Variants in TTLL5 observed in about 807,000 individuals in gnomAD.
TTLL5 encodes tubulin polyglutamylase TTLL5.
A neutral mutation model predicts 168.4 loss-of-function variants in TTLL5; 132 were observed. That is an observed-to-expected ratio of 0.78 (90% CI 0.68 to 0.91). The LOEUF is 0.91. Among genes scored for constraint, TTLL5 ranks in the 40% least tolerant of loss-of-function variants. TTLL5 has a pLI of 0.00. For missense variants in TTLL5, 1,545 were observed against 1,581.5 expected (o/e 0.98, Z 0.39); for synonymous variants, 546 against 558.6 (o/e 0.98, Z 0.32).
At chr14:75,747,274 C>G (rs1305742689) in intron 17 of TTLL5, among the ~76,000 whole-genome samples, 2 of 151,670 alleles carry the variant, frequency 1.3e-5, no homozygotes, top group Non-Finnish European at 2.9e-5. Context: ...TTTTGTGTGT[C>G]CTTTTTCTCT....
chr14:75,928,354 T>TATATATAC (rs2140160500), intron 31 of TTLL5, among the ~76,000 whole-genome samples: 1 of 126,910 alleles, frequency 7.9e-6, no homozygotes, highest in South Asian at 2.3e-4. Context: ...TATATATATA[T>TATATATAC]ATATATATAT....
intron 27 of TTLL5, among the ~76,000 whole-genome samples, chr14:75,793,316 A>G (rs1892824638): frequency 6.6e-6 from 1 of 152,200 alleles, no homozygotes; most frequent in African/African-American, 2.4e-5. Flanking sequence ...TAAGTCTGCT[A>G]CTGGATATGA....
chr14:75,798,617 C>T (rs1175022844), intron 27 of TTLL5, among the ~76,000 whole-genome samples: 1 of 152,072 alleles, frequency 6.6e-6, no homozygotes, highest in Non-Finnish European at 1.5e-5. Flanking sequence ...GAACTTTCGT[C>T]TTAGCACCGC....
At chr14:75,811,054 T>C (rs900795994) in intron 27 of TTLL5, among the ~76,000 whole-genome samples, 8 of 132,932 alleles carry the variant, frequency 6.0e-5, no homozygotes, top group Admixed American at 1.8e-4. Context: ...GCAGAGACAT[T>C]AACCACTTTT....
intron 28 of TTLL5, among the ~76,000 whole-genome samples, chr14:75,845,024 C>T (rs916674078): frequency 8.5e-5 from 13 of 152,140 alleles, no homozygotes; most frequent in African/African-American, 2.7e-4. Flanking sequence ...TCCTAATGCC[C>T]GGAATGTCCT....
At chr14:75,769,335 C>G (rs1039705915) in intron 20 of TTLL5, among the ~76,000 whole-genome samples, 34 of 152,168 alleles carry the variant, frequency 2.2e-4, no homozygotes, top group African/African-American at 8.2e-4. Flanking sequence ...AGGATCGCGT[C>G]ATTGTTGCAT....
chr14:75,667,776 T>A (rs934553475), intron 2 of TTLL5, among the ~76,000 whole-genome samples: 10 of 147,048 alleles, frequency 6.8e-5, no homozygotes, highest in East Asian at 5.9e-4. Context: ...TTTTTTTTTT[T>A]ATTGAGACGG....
intron 28 of TTLL5, among the ~76,000 whole-genome samples, chr14:75,840,623 ATCT>A (rs1896174364): frequency 6.6e-6 from 1 of 152,176 alleles, no homozygotes; most frequent in South Asian, 2.1e-4. Flanking sequence ...GTTGGGGGCC[ATCT>A]CAAAGGCTGG....
At position 75,699,278 on chromosome 14, in the gene TTLL5, T is replaced by G; in HGVS notation, c.585+8T>G. 1.2e-6 allele frequency: 2 copies of G among 1,612,442 alleles called. No individual in the cohort carries two copies. Among genetic ancestry groups the G allele is most frequent in the Non-Finnish European group, 1.7e-6 (2 of 1,178,578 alleles). ...GTCTACCTGATCAACAATGTAAGTA[T>G]GCAGCAGATGGCAAACCTCTCTCCT... On this transcript the variant is annotated splice_region_variant and intron_variant, in intron 7 of 31. Transcript: ENST00000298832.
intron 27 of TTLL5, among the ~76,000 whole-genome samples, chr14:75,808,522 T>C (rs1893786226): frequency 6.6e-6 from 1 of 152,084 alleles, no homozygotes; most frequent in Non-Finnish European, 1.5e-5. Flanking sequence ...TCTTTTCATT[T>C]TTCTGATTGA....
chr14:75,721,456 G>A (rs373535970), intron 12 of TTLL5, among the ~76,000 whole-genome samples: 1 of 152,214 alleles, frequency 6.6e-6, no homozygotes, highest in East Asian at 1.9e-4. Context: ...GGTCTTTGAT[G>A]GGGAGGATGA....
chr14:75,741,366 G>A (rs751505817), intron 15 of TTLL5, among the ~76,000 whole-genome samples: 7 of 152,020 alleles, frequency 4.6e-5, no homozygotes, highest in African/African-American at 7.3e-5. Context: ...TACTTCCTTA[G>A]TGCATTCAGT....
intron 31 of TTLL5, among the ~76,000 whole-genome samples, chr14:75,905,819 C>T (rs1006094333): frequency 1.3e-5 from 2 of 152,202 alleles, no homozygotes; most frequent in Admixed American, 6.5e-5. Flanking sequence ...AGCAGCTGCC[C>T]TCATCCCTGC....
chr14:75,766,485 A>G (rs1468434308), intron 20 of TTLL5, 117 bp downstream of exon 20: 10 of 996,974 alleles, frequency 1.0e-5, no homozygotes, highest in South Asian at 1.8e-5. Context: ...CAGAAGTCCT[A>G]TGAAATAATG....
intron 30 of TTLL5, among the ~76,000 whole-genome samples, chr14:75,884,774 GT>G (rs1487903541): frequency 1.3e-5 from 2 of 151,536 alleles, no homozygotes; most frequent in African/African-American, 4.9e-5. Flanking sequence ...GGACCCCAGT[GT>G]TTTCAGATAT....
chr14:75,736,591 G>T (rs551615063), intron 15 of TTLL5, among the ~76,000 whole-genome samples: 1 of 152,254 alleles, frequency 6.6e-6, no homozygotes, highest in African/African-American at 2.4e-5. Flanking sequence ...CATAAGTGTG[G>T]GCCAGGTGTT....
At chr14:75,773,661 G>A (rs1891475199) in intron 21 of TTLL5, among the ~76,000 whole-genome samples, 1 of 151,800 alleles carries the variant, frequency 6.6e-6, no homozygotes, top group African/African-American at 2.4e-5. Flanking sequence ...GGCTGAGGCG[G>A]GTGGATCAGT....
chr14:75,820,501 T>C (rs531600258), intron 28 of TTLL5: 1 of 180,624 alleles, frequency 5.5e-6, no homozygotes, highest in East Asian at 1.4e-4. Flanking sequence ...TTTTTTTTAA[T>C]ACCTTGTGTT....
chr14:75,787,460 A>G (rs1892436482), intron 26 of TTLL5, among the ~76,000 whole-genome samples: 1 of 152,244 alleles, frequency 6.6e-6, no homozygotes, highest in Non-Finnish European at 1.5e-5. Context: ...AAGTTAAACA[A>G]TTCTAAAAGT....
Sources: gnomAD v4.1 joint callset for allele counts (sites outside exome capture counted in the v4.1 genomes callset) on GRCh38, gnomAD v4.1.1 for gene constraint, MANE v1.5 for transcripts, NCBI Gene and HGNC (gene_info 2026-07-23, HGNC 2026-07-21) for gene names.